The following DCAF4 variants were observed in gnomAD, a reference collection of about 807,000 sequenced individuals.
DCAF4 encodes the protein DDB1 and CUL4 associated factor 4, also known as DDB1- and CUL4-associated factor 4.
A neutral mutation model predicts 60.9 loss-of-function variants in DCAF4; 37 were observed. The observed-to-expected ratio is 0.61, with a 90% CI of 0.47 to 0.80. The LOEUF is 0.80. Ranked by LOEUF, DCAF4 falls within the 30% of genes least tolerant of loss-of-function variation. The pLI is 0.00. For missense variants in DCAF4, 577 were observed against 650.0 expected (o/e 0.89, Z 1.22); for synonymous variants, 243 against 254.8 (o/e 0.95, Z 0.44).
intron 1 of DCAF4, among the ~76,000 whole-genome samples, chr14:72,934,132 C>T (rs7143528): frequency 0.73 from 108,809 of 149,476 alleles, 39,938 homozygotes; most frequent in Non-Finnish European, 0.78. Flanking sequence ...GGCCCCCCGC[C>T]CCCACTGCCT....
At chr14:72,929,426 G>A (rs561778227) in intron 1 of DCAF4, among the ~76,000 whole-genome samples, 1 of 152,220 alleles carries the variant, frequency 6.6e-6, no homozygotes, top group Non-Finnish European at 1.5e-5. Context: ...TTGCTGCCGC[G>A]CGTGGTGGCT....
intron 5 of DCAF4, chr14:72,942,762 T>C (rs910039020): frequency 1.9e-6 from 1 of 522,982 alleles, no homozygotes; most frequent in Non-Finnish European, 3.5e-6. Context: ...TCCCACTCTT[T>C]GACTCTGCAA....
chr14:72,948,114 A>G (rs1353880162), intron 8 of DCAF4, among the ~76,000 whole-genome samples: 1 of 152,196 alleles, frequency 6.6e-6, no homozygotes, highest in African/African-American at 2.4e-5. Context: ...TCCTCGACAA[A>G]TGATAACTGA....
intron 13 of DCAF4, chr14:72,957,460 TTCC>T (rs1180383994): frequency 2.0e-5 from 3 of 152,264 alleles, no homozygotes; most frequent in Admixed American, 1.3e-4. Flanking sequence ...TCTACTGGTA[TTCC>T]TATAGAAAGG....
chr14:72,940,491 C>T (rs1889886326), intron 4 of DCAF4, 114 bp downstream of exon 4: 1 of 1,124,238 alleles, frequency 8.9e-7, no homozygotes, highest in African/African-American at 1.6e-5. Context: ...AGAGGCACTT[C>T]AGGGGGTGTG....
Position 72,959,288 on chromosome 14 carries a change from GT to G in DCAF4, c.*486del. The G allele has an allele frequency of 1.0e-6, 1 of 985,888 alleles. No individual in the cohort carries two copies. Among genetic ancestry groups the G allele is most frequent in the South Asian group, 4.7e-5 (1 of 21,294 alleles). 61.1% of individuals were successfully genotyped at this position (985,888 alleles called of 1,614,324 possible). A position where few individuals can be genotyped will look rare whatever the true frequency, so the allele number is the denominator to read the frequency against. On this transcript the variant is annotated 3_prime_UTR_variant, in exon 14 of 14. Coordinates refer to ENST00000358377, the MANE Select transcript of DCAF4 (RefSeq NM_015604.4). ...GAGGACGGGGAGGTTACTTCTCTAA[GT>G]TTCTGCAGAAATATTGAAGGCTGGA...
intron 1 of DCAF4, among the ~76,000 whole-genome samples, chr14:72,927,932 A>G (rs1210806811): frequency 2.0e-5 from 3 of 152,152 alleles, no homozygotes; most frequent in Non-Finnish European, 4.4e-5. Flanking sequence ...CTGGGATTAT[A>G]GGCATGCACC....
chr14:72,955,621 T>A lies in DCAF4; in HGVS notation c.1104T>A (p.Phe368Leu), dbSNP rs771974972. The change falls in exon 12 of 14, where the codon TTT becomes TTA. Residue 368 changes from phenylalanine to leucine, a missense_variant. By Grantham distance (22) the Phe-to-Leu change is conservative. Transcript: ENST00000358377. ...AGGGATGGAAGGCCACCCGCCTGTT[T>A]CATGATTCAGCAGTGACCTCTGTGC... ...QGKGWKATRL[F>L]HDSAVTSVRI... 9.9e-6 allele frequency: 16 copies of A among 1,614,192 alleles called. No homozygotes were observed. In the Middle Eastern group the frequency reaches 8.2e-4, roughly 83 times the overall value.
intron 13 of DCAF4, chr14:72,957,217 A>T (rs562503196): frequency 6.6e-6 from 1 of 152,392 alleles, no homozygotes; most frequent in Non-Finnish European, 1.5e-5. Flanking sequence ...TCTCAAAATA[A>T]ATAAATAAAT....
In DCAF4 at chr14:72,958,919, T is replaced by G; in HGVS notation, c.*114T>G. ...TGACACTCAGTGTACACAGATCCCATCCTCTGGCTGCTAGGAGAGAAGTGC... is the reference window on the plus strand; with the variant it reads ...TGACACTCAGTGTACACAGATCCCAGCCTCTGGCTGCTAGGAGAGAAGTGC... On this transcript the variant is annotated 3_prime_UTR_variant, in exon 14 of 14. Transcript: ENST00000358377. 1 of 1,419,980 alleles carries G rather than the reference T, an allele frequency of 7.0e-7. No homozygotes were observed. The highest frequency in any genetic ancestry group is 9.1e-7 in the Non-Finnish European group (1 of 1,093,592). The allele number at this position is 1,419,980 out of a possible 1,614,324, so 88.0% of individuals were successfully genotyped here.
At chr14:72,934,695 C>A (rs921034793) in intron 1 of DCAF4, among the ~76,000 whole-genome samples, 2 of 152,206 alleles carry the variant, frequency 1.3e-5, no homozygotes, top group Non-Finnish European at 2.9e-5. Flanking sequence ...CTGGAGAGAC[C>A]TGGGTCTTCA....
Position 72,939,897 on chromosome 14 carries a change from T to C in DCAF4, c.188T>C (p.Val63Ala). The stretch of plus-strand genomic sequence containing the variant: ...TCTGGCACAGCTGGGACCTCCTCTG[T>C]GCCAGGTAAGGCCACTTGCGGGGTG... The part of the protein sequence containing the change: ...TSSGTAGTSS[V>A]PELPGFYFDP... The change falls in exon 3 of 14, where the codon GTG (valine) becomes GCG (alanine). Residue 63 changes from valine to alanine, a missense_variant. Coordinates refer to ENST00000358377, the MANE Select transcript of DCAF4 (RefSeq NM_015604.4). 1 of 1,606,468 alleles carries C rather than the reference T, an allele frequency of 6.2e-7. No homozygotes were observed. The highest frequency in any genetic ancestry group is 8.5e-7 in the Non-Finnish European group (1 of 1,176,626).
rs74060897 is a variant in DCAF4, at chr14:72,929,532, T to C, written c.-9+2989T>C. ...GGCGGCAACAAAGCGAGACCCCGTCTCTACAAAAATATTTTTTATTTTTAT... is the reference window on the plus strand; with the variant it reads ...GGCGGCAACAAAGCGAGACCCCGTCCCTACAAAAATATTTTTTATTTTTAT... On this transcript the variant is annotated intron_variant, in intron 1 of 13. Coordinates refer to ENST00000358377, the MANE Select transcript of DCAF4 (RefSeq NM_015604.4). 2,989 of 782,328 alleles carry C rather than the reference T, an allele frequency of 3.8e-3. 49 individuals are homozygous for C. Among genetic ancestry groups the C allele is most frequent in the African/African-American group, 0.038 (2,201 of 57,882 alleles). The allele number at this position is 782,328 out of a possible 1,614,324, so 48.5% of individuals were successfully genotyped here.
chr14:72,941,443 T>C (rs1164254333), intron 4 of DCAF4, among the ~76,000 whole-genome samples: 1 of 152,196 alleles, frequency 6.6e-6, no homozygotes, highest in Non-Finnish European at 1.5e-5. Flanking sequence ...GGTGCAGACC[T>C]GTTTGCAGTC....
chr14:72,942,650 C>G, intron 5 of DCAF4: 1 of 208,938 alleles, frequency 4.8e-6, no homozygotes, highest in Non-Finnish European at 9.5e-6. Flanking sequence ...GGGGCTCTTC[C>G]CAGCAGCGGA....
Position 72,946,011 on chromosome 14 carries a change from A to T in DCAF4, c.662A>T (p.Tyr221Phe). 6.2e-7 allele frequency: 1 copy of T among 1,613,976 alleles called. No homozygotes were observed. The highest frequency in any genetic ancestry group is 8.5e-7 in the Non-Finnish European group (1 of 1,180,010). Residue 221 changes from tyrosine to phenylalanine, a missense_variant, in exon 7 of 14, where the codon TAC becomes TTC. Coordinates refer to ENST00000358377, the MANE Select transcript of DCAF4 (RefSeq NM_015604.4). The stretch of plus-strand genomic sequence containing the variant: ...AAGGTGTTCATGCACGAAAACCTCT[A>T]CTTCACCAACCGGAAGGTACGTTGC... The part of the protein sequence containing the change: ...TLKVFMHENL[Y>F]FTNRKVNSVC...
At position 72,958,649 on chromosome 14, in the gene DCAF4, C is replaced by T. The variant is rs377450299; in HGVS notation, c.1332C>T (p.His444=). 7.4e-6 allele frequency: 12 copies of T among 1,614,204 alleles called. No individual in the cohort carries two copies. Among genetic ancestry groups the T allele is most frequent in the South Asian group, 4.4e-5 (4 of 91,080 alleles). ...QDCYTRIWSL[H]DARLLRTIPS... ...GCTACACGAGAATCTGGAGCCTCCA[C>T]GATGCCCGCCTACTGAGAACCATAC... Residue 444 remains histidine, a synonymous_variant, in exon 14 of 14, where the codon CAC becomes CAT. Coordinates refer to ENST00000358377, the MANE Select transcript of DCAF4 (RefSeq NM_015604.4).
intron 4 of DCAF4, among the ~76,000 whole-genome samples, chr14:72,941,414 C>G (rs1015696254): frequency 1.3e-5 from 2 of 152,188 alleles, no homozygotes; most frequent in Non-Finnish European, 2.9e-5. Flanking sequence ...CCTGGGTCAC[C>G]ACGGGTGGAA....
chr14:72,952,840 G>A (rs1294810581), intron 9 of DCAF4, among the ~76,000 whole-genome samples: 6 of 146,074 alleles, frequency 4.1e-5, no homozygotes, highest in Non-Finnish European at 6.0e-5. Flanking sequence ...GATCACAGGC[G>A]CACACCACCA....
Sources: gnomAD v4.1 joint callset for allele counts (sites outside exome capture counted in the v4.1 genomes callset) on GRCh38, gnomAD v4.1.1 for gene constraint, MANE v1.5 for transcripts, NCBI Gene and HGNC (gene_info 2026-07-23, HGNC 2026-07-21) for gene names.